Variants in ARFIP1 observed in about 807,000 individuals in gnomAD.
ARFIP1 encodes the protein arfaptin-1.
In ARFIP1, 24 loss-of-function variants were observed where a neutral mutation model predicts 42.5. The ratio of observed to expected loss-of-function variants is 0.57; its 90% CI spans 0.41 to 0.80. The LOEUF (loss-of-function observed/expected upper bound fraction) is 0.80. ARFIP1 is among the 30% of genes least tolerant of loss of function. ARFIP1 has a pLI of 0.00. For missense variants in ARFIP1, 354 were observed against 434.0 expected, an observed-to-expected ratio of 0.82 and a Z score of 1.64; for synonymous variants, 141 against 153.7, an observed-to-expected ratio of 0.92 and a Z score of 0.61.
intron 1 of ARFIP1, among the ~76,000 whole-genome samples, chr4:152,784,435 C>T (rs1730677069): frequency 6.6e-6 from 1 of 152,176 alleles, no homozygotes; most frequent in African/African-American, 2.4e-5. Context: ...TCCTTCTAAG[C>T]CTTTGTCTTA....
intron 1 of ARFIP1, chr4:152,796,128 T>C (rs1259571154): frequency 2.7e-6 from 2 of 749,316 alleles, no homozygotes; most frequent in African/African-American, 1.7e-5. Flanking sequence ...TGGGCATATT[T>C]CCCCAAATAA....
intron 2 of ARFIP1, among the ~76,000 whole-genome samples, chr4:152,842,298 G>T (rs1313610778): frequency 6.7e-6 from 1 of 149,382 alleles, no homozygotes; most frequent in Non-Finnish European, 1.5e-5. Context: ...TTGTATGGGA[G>T]CTCTATTTTC....
At chr4:152,782,226 GT>G (rs1554019598) in intron 1 of ARFIP1, among the ~76,000 whole-genome samples, 494 of 32,628 alleles carry the variant, frequency 0.015, 1 homozygote, top group African/African-American at 0.034. Context: ...AGGTAGGGGT[GT>G]GTGTGTGTGT....
chr4:152,903,487 T>G (rs1402672007), intron 8 of ARFIP1, among the ~76,000 whole-genome samples: 9 of 152,076 alleles, frequency 5.9e-5, no homozygotes, highest in Non-Finnish European at 1.3e-4. Flanking sequence ...ATTTGGAGTT[T>G]TTTTTTTTCT....
At chr4:152,808,628 A>G (rs1257375348) in intron 1 of ARFIP1, among the ~76,000 whole-genome samples, 1 of 152,040 alleles carries the variant, frequency 6.6e-6, no homozygotes, top group Non-Finnish European at 1.5e-5. Context: ...TAGTTGCTCT[A>G]CATACTGGCT....
chr4:152,783,302 T>C (rs1271213316), intron 1 of ARFIP1, among the ~76,000 whole-genome samples: 1 of 152,170 alleles, frequency 6.6e-6, no homozygotes, highest in Non-Finnish European at 1.5e-5. Flanking sequence ...AGAGTGAGAC[T>C]CCATCTCAAA....
intron 1 of ARFIP1, among the ~76,000 whole-genome samples, chr4:152,807,925 T>G (rs1321365377): frequency 1.3e-5 from 2 of 152,206 alleles, no homozygotes; most frequent in Admixed American, 1.3e-4. Flanking sequence ...TTGGATCATG[T>G]AATATGTACT....
chr4:152,783,529 T>C (rs144518708), intron 1 of ARFIP1, among the ~76,000 whole-genome samples: 1 of 152,176 alleles, frequency 6.6e-6, no homozygotes, highest in African/African-American at 2.4e-5. Context: ...GCTGAATGAT[T>C]AACTGAAGCT....
chr4:152,808,748 T>C (rs1273091474), intron 1 of ARFIP1, among the ~76,000 whole-genome samples: 1 of 152,144 alleles, frequency 6.6e-6, no homozygotes, highest in Non-Finnish European at 1.5e-5. Flanking sequence ...TTGTAGCTCC[T>C]TCCCAATGCT....
At chr4:152,863,739 A>G (rs965287491) in intron 3 of ARFIP1, 25 bp downstream of exon 3, 10 of 1,477,442 alleles carry the variant, frequency 6.8e-6, no homozygotes, top group Admixed American at 1.7e-5. Context: ...ATTTGTAAAG[A>G]TGGCTGGGAT....
chr4:152,804,220 A>G (rs1429294377), intron 1 of ARFIP1, among the ~76,000 whole-genome samples: 20 of 119,366 alleles, frequency 1.7e-4, no homozygotes, highest in African/African-American at 7.0e-4. Flanking sequence ...TATTATATAT[A>G]ATATAACATG....
At chr4:152,837,013 C>T (rs1731705426) in intron 2 of ARFIP1, among the ~76,000 whole-genome samples, 1 of 151,978 alleles carries the variant, frequency 6.6e-6, no homozygotes, top group East Asian at 1.9e-4. Flanking sequence ...CCCACATAAT[C>T]AGTGAGAACA....
chr4:152,849,700 G>GA (rs1366876253), intron 2 of ARFIP1, among the ~76,000 whole-genome samples: 3 of 151,890 alleles, frequency 2.0e-5, no homozygotes, highest in African/African-American at 4.8e-5. Context: ...GTGGTAAATG[G>GA]AAAAAAATCA....
At chr4:152,832,554 A>T (rs1482644990) in intron 2 of ARFIP1, among the ~76,000 whole-genome samples, 1 of 152,180 alleles carries the variant, frequency 6.6e-6, no homozygotes, top group African/African-American at 2.4e-5. Flanking sequence ...TATTAATGGC[A>T]TCTTTTGATG....
At chr4:152,886,266 C>G (rs952676270) in intron 7 of ARFIP1, among the ~76,000 whole-genome samples, 1 of 151,972 alleles carries the variant, frequency 6.6e-6, no homozygotes, top group Non-Finnish European at 1.5e-5. Context: ...CTGATACAAT[C>G]ATGTCATTTT....
intron 1 of ARFIP1, among the ~76,000 whole-genome samples, chr4:152,785,319 A>T (rs1350324359): frequency 1.3e-5 from 2 of 152,260 alleles, no homozygotes; most frequent in African/African-American, 4.8e-5. Context: ...GGTAGAGCAG[A>T]TAACATCACC....
Position 152,911,283 on chromosome 4 carries a change from G to A in ARFIP1, c.*1064G>A, listed in dbSNP as rs759507681. On this transcript the variant is annotated 3_prime_UTR_variant, in exon 9 of 9. Transcript: ENST00000353617. Reference sequence around the variant, plus strand: ...TTGTACTTGTTAAGCCACATTTGAGGTTTATGGTAAAAATCATCTTTTGAG... The same window carrying A: ...TTGTACTTGTTAAGCCACATTTGAGATTTATGGTAAAAATCATCTTTTGAG... The A allele has an allele frequency of 6.6e-6, 1 of 152,604 alleles. No homozygotes were observed. The highest frequency in any genetic ancestry group is 1.5e-5 in the Non-Finnish European group (1 of 68,018). 9.5% of individuals were successfully genotyped at this position (152,604 alleles called of 1,614,324 possible). A position where few individuals can be genotyped will look rare whatever the true frequency, so the allele number is the denominator to read the frequency against.
intron 8 of ARFIP1, among the ~76,000 whole-genome samples, chr4:152,906,225 A>G (rs1267644544): frequency 6.6e-6 from 1 of 152,176 alleles, no homozygotes; most frequent in Non-Finnish European, 1.5e-5. Context: ...GCGCTTATCT[A>G]GTCATGTGGC....
chr4:152,889,498 C>CATAT (rs71595203), intron 8 of ARFIP1, among the ~76,000 whole-genome samples: 1,679 of 42,520 alleles, frequency 0.039, 81 homozygotes, highest in Middle Eastern at 0.08. Context: ...TCATTTTAGT[C>CATAT]ATATATATAT....
Sources: allele counts gnomAD v4.1 joint callset (sites outside exome capture counted in the v4.1 genomes callset), GRCh38; gene constraint gnomAD v4.1.1; transcripts MANE v1.5; gene names NCBI Gene and HGNC (gene_info 2026-07-23, HGNC 2026-07-21).